CNNM2: variants seen among roughly 807,000 people sequenced by gnomAD.
CNNM2 encodes metal transporter CNNM2.
Under a neutral mutation model 66.9 loss-of-function variants are expected in CNNM2, and 12 were observed. The observed-to-expected ratio is 0.18, with a 90% CI of 0.11 to 0.29. The LOEUF (loss-of-function observed/expected upper bound fraction) is 0.29, where lower values mean the gene tolerates loss of function less well. Among genes scored for constraint, CNNM2 ranks in the 10% least tolerant of loss-of-function variants. The pLI, the probability that CNNM2 is intolerant of heterozygous loss-of-function variation, is 1.00. For missense variants in CNNM2, 705 were observed against 1,167.7 expected, an observed-to-expected ratio of 0.60 and a Z score of 5.77; for synonymous variants, 557 against 501.8, an observed-to-expected ratio of 1.11 and a Z score of -1.47.
intron 1 of CNNM2, among the ~76,000 whole-genome samples, chr10:103,045,416 G>T (rs2134323259): frequency 6.6e-6 from 1 of 152,284 alleles, no homozygotes; most frequent in African/African-American, 2.4e-5. Context: ...GACTTAGACT[G>T]CCAAGTTAAG....
intron 1 of CNNM2, among the ~76,000 whole-genome samples, chr10:103,046,453 G>A (rs2065128277): frequency 6.6e-6 from 1 of 152,178 alleles, no homozygotes; most frequent in South Asian, 2.1e-4. Context: ...TGCAACCTGT[G>A]ACATAAATGG....
chr10:102,918,696 G>A lies in CNNM2; in HGVS notation c.216G>A (p.Thr72=). 6.4e-7 allele frequency: 1 copy of A among 1,559,352 alleles called. No homozygotes were observed. Among genetic ancestry groups the A allele is most frequent in the Non-Finnish European group, 8.7e-7 (1 of 1,152,232 alleles). ...CAGCGGTGGGCGAGAATGAGGAGAC[G>A]GTGATCATCGGGCTGCGACTGGAGG... is the stretch of plus-strand genomic sequence containing the variant. ...GCAAVGENEE[T]VIIGLRLEDT... The change falls in exon 1 of 8, where the codon ACG becomes ACA. Residue 72 remains threonine (T), a synonymous_variant. Transcript: ENST00000369878. The surrounding 1 kb of genome is among the most constrained non-coding windows in gnomAD (Gnocchi z 4.1).
intron 6 of CNNM2, among the ~76,000 whole-genome samples, chr10:103,073,862 C>A (rs1270473463): frequency 9.5e-6 from 1 of 104,846 alleles, no homozygotes; most frequent in Non-Finnish European, 1.9e-5. Context: ...GAGCGAGACT[C>A]CGTCTCAAAA....
At chr10:103,010,893 G>A (rs914601862) in intron 1 of CNNM2, among the ~76,000 whole-genome samples, 12 of 152,114 alleles carry the variant, frequency 7.9e-5, no homozygotes, top group Non-Finnish European at 1.3e-4. Context: ...GATTACAGGC[G>A]TAAGCTACCG....
At chr10:103,067,510 A>G (rs1319982746) in intron 4 of CNNM2, among the ~76,000 whole-genome samples, 3 of 152,208 alleles carry the variant, frequency 2.0e-5, no homozygotes, top group Non-Finnish European at 2.9e-5. Context: ...TGTTAGCACA[A>G]TTCCTTTTCA....
intron 1 of CNNM2, among the ~76,000 whole-genome samples, chr10:102,938,988 G>C (rs1846337839): frequency 6.6e-6 from 1 of 152,126 alleles, no homozygotes; most frequent in Non-Finnish European, 1.5e-5. Flanking sequence ...AAGGCCCTTA[G>C]TTGATTTAAG....
intron 1 of CNNM2, among the ~76,000 whole-genome samples, chr10:102,943,973 C>G (rs1590286397): frequency 6.6e-6 from 1 of 152,152 alleles, no homozygotes; most frequent in South Asian, 2.1e-4. Flanking sequence ...CCCCTTATAC[C>G]TAAGGGATCC....
At chr10:103,027,454 C>A (rs2064728756) in intron 1 of CNNM2, 1 of 152,208 alleles carries the variant, frequency 6.6e-6, no homozygotes, top group Non-Finnish European at 1.5e-5. Context: ...GCAACTACTT[C>A]TAGAGGTGAG....
intron 1 of CNNM2, among the ~76,000 whole-genome samples, chr10:102,936,678 T>A (rs1010326802): frequency 1.2e-4 from 18 of 152,332 alleles, no homozygotes; most frequent in Admixed American, 9.8e-4. Flanking sequence ...ATTTGCTTGT[T>A]CATATATACA....
At chr10:103,026,345 A>G (rs2064702573) in intron 1 of CNNM2, among the ~76,000 whole-genome samples, 1 of 152,198 alleles carries the variant, frequency 6.6e-6, no homozygotes, top group Non-Finnish European at 1.5e-5. Flanking sequence ...CATGCCTGTA[A>G]TCCCAGCACT....
chr10:103,012,186 A>G (rs1372133341), intron 1 of CNNM2, among the ~76,000 whole-genome samples: 1 of 152,218 alleles, frequency 6.6e-6, no homozygotes, highest in African/African-American at 2.4e-5. Context: ...CCTGTAGGAT[A>G]AATTCCTAGA....
intron 1 of CNNM2, among the ~76,000 whole-genome samples, chr10:103,008,600 A>C (rs1238107245): frequency 6.6e-5 from 10 of 151,774 alleles, no homozygotes; most frequent in Non-Finnish European, 1.5e-5. Context: ...CCAACATGGC[A>C]AAACTGTATC....
intron 1 of CNNM2, among the ~76,000 whole-genome samples, chr10:102,982,107 GA>G (rs1315661671): frequency 6.6e-6 from 1 of 152,138 alleles, no homozygotes; most frequent in Non-Finnish European, 1.5e-5. Context: ...CAAATGTGCA[GA>G]GAAAAAATTT....
Position 103,054,883 on chromosome 10 carries a change from G to C in CNNM2, c.1903+417G>C, listed in dbSNP as rs2065271973. Among the ~76,000 whole-genome samples the C allele has an allele frequency of 6.6e-6, 1 of 152,198 alleles. No homozygotes were observed. Among genetic ancestry groups the C allele is most frequent in the Non-Finnish European group, 1.5e-5 (1 of 68,038 alleles). On this transcript the variant is annotated intron_variant, in intron 3 of 7. Transcript: ENST00000369878. This position sits in a 1 kb window ranked among gnomAD's most constrained non-coding sequence, Gnocchi z 5.2. ...GACAATTGAGTCCAATCTCTCTTCA[G>C]CTTGTCCTGGAAGCACAGTTGGACA...
intron 1 of CNNM2, among the ~76,000 whole-genome samples, chr10:102,944,744 A>G (rs1333005707): frequency 6.6e-6 from 1 of 152,084 alleles, no homozygotes; most frequent in Non-Finnish European, 1.5e-5. Flanking sequence ...TACCATGATC[A>G]CACCCACGAA....
In CNNM2 at chr10:102,991,449, G is replaced by C. The variant is rs188851220; in HGVS notation, c.1622-58258G>C. ...AATATTTCTTTTGGGTTACTTCCTT[G>C]CCCCATTTTAAGATTACAGTATCTG... On this transcript the variant is annotated intron_variant, in intron 1 of 7. Transcript: ENST00000369878. 3.2e-3 allele frequency among the ~76,000 whole-genome samples: 491 copies of C among 152,176 alleles called. 3 individuals carry two copies. The highest frequency in any genetic ancestry group is 5.1e-3 in the Non-Finnish European group (346 of 67,990).
rs12219901 is a variant in CNNM2, at chr10:103,081,210, A to G, written c.*4030A>G. On this transcript the variant is annotated 3_prime_UTR_variant, in exon 8 of 8. Transcript: ENST00000369878. ...AACTCCCCTCTGCTTTTGAGCCCAG[A>G]TATGGGCTTTTCTTTGCAAAGGGTT... is the stretch of plus-strand genomic sequence containing the variant. The G allele has an allele frequency of 0.094, 14,302 of 152,312 alleles. 873 individuals are homozygous for G. Among genetic ancestry groups the G allele is most frequent in the East Asian group, 0.28 (1,426 of 5,158 alleles). The allele number at this position is 152,312 out of a possible 1,614,324, so 9.4% of individuals were successfully genotyped here.
chr10:103,080,154 CCT>C lies in CNNM2; in HGVS notation c.*2975_*2976del, dbSNP rs2065743736. On this transcript the variant is annotated 3_prime_UTR_variant, in exon 8 of 8. Transcript: ENST00000369878. ...GGGTCGAGTGGACCAGATGCAGACC[CCT>C]GAGTTCTGGATACTGATGGGAGGCC... 1 of 152,130 alleles carries C rather than the reference CCT, an allele frequency of 6.6e-6. No homozygotes were observed. Among genetic ancestry groups the C allele is most frequent in the Non-Finnish European group, 1.5e-5 (1 of 68,052 alleles). 9.4% of individuals were successfully genotyped at this position (152,130 alleles called of 1,614,324 possible). A position where few individuals can be genotyped will look rare whatever the true frequency, so the allele number is the denominator to read the frequency against.
At chr10:103,061,099 G>T (rs1315114222) in intron 4 of CNNM2, among the ~76,000 whole-genome samples, 1 of 152,090 alleles carries the variant, frequency 6.6e-6, no homozygotes, top group African/African-American at 2.4e-5. Context: ...AATTAATAAA[G>T]ATTGTTATAT....
Sources: gnomAD v4.1 joint callset for allele counts (sites outside exome capture counted in the v4.1 genomes callset) on GRCh38, gnomAD v4.1.1 for gene constraint, Gnocchi (gnomAD v3.1) non-coding constraint, MANE v1.5 for transcripts, NCBI Gene and HGNC (gene_info 2026-07-23, HGNC 2026-07-21) for gene names.